The following DIAPH2 variants were observed in gnomAD, a reference collection of about 807,000 sequenced individuals.
DIAPH2 encodes the protein protein diaphanous homolog 2.
Under a neutral mutation model 92.7 loss-of-function variants are expected in DIAPH2, and 35 were observed. The ratio of observed to expected loss-of-function variants is 0.38; its 90% confidence interval spans 0.29 to 0.50. The LOEUF (loss-of-function observed/expected upper bound fraction) is 0.50, where lower values mean the gene tolerates loss of function less well. Ranked by LOEUF, DIAPH2 falls within the 20% of genes least tolerant of loss-of-function variation. The pLI is 0.94. For synonymous variants in DIAPH2, 301 were observed against 280.4 expected, an observed-to-expected ratio of 1.07 and a Z score of -0.73; for missense variants, 701 against 819.5, an observed-to-expected ratio of 0.86 and a Z score of 1.77.
intron 26 of DIAPH2, among the ~76,000 whole-genome samples, chrX:97,439,548 C>T (rs1233097305): frequency 9.5e-6 from 1 of 105,539 alleles, no homozygotes; most frequent in Admixed American, 1.0e-4. Flanking sequence ...CCAGCCTGAG[C>T]GACAGGGCGA....
intron 21 of DIAPH2, among the ~76,000 whole-genome samples, chrX:97,121,986 C>T (rs2067061745): frequency 9.0e-6 from 1 of 111,477 alleles, no homozygotes; most frequent in Admixed American, 9.5e-5. Flanking sequence ...ATAATTTGTC[C>T]AAGATTCAAA....
intron 25 of DIAPH2, among the ~76,000 whole-genome samples, chrX:97,413,902 G>A (rs2147762328): frequency 9.0e-6 from 1 of 111,215 alleles, no homozygotes; most frequent in East Asian, 2.8e-4. Flanking sequence ...AATAGAAGAG[G>A]ACACAAACAA....
intron 26 of DIAPH2, among the ~76,000 whole-genome samples, chrX:97,529,265 G>A (rs1454123951): frequency 9.0e-6 from 1 of 111,445 alleles, no homozygotes; most frequent in East Asian, 2.8e-4. Flanking sequence ...AGTTATATAG[G>A]TGTGATAGAT....
At chrX:96,760,557 A>T (rs1179009491) in intron 4 of DIAPH2, among the ~76,000 whole-genome samples, 1 of 111,214 alleles carries the variant, frequency 9.0e-6, no homozygotes, top group Non-Finnish European at 1.9e-5. Flanking sequence ...TAACACCTGC[A>T]TTAATCATTT....
At chrX:96,961,500 G>GTATTATATT (rs1248128818) in intron 16 of DIAPH2, among the ~76,000 whole-genome samples, 3 of 83,585 alleles carry the variant, frequency 3.6e-5, no homozygotes. Flanking sequence ...TTGCTCTTTT[G>GTATTATATT]TATTATATTT....
intron 25 of DIAPH2, among the ~76,000 whole-genome samples, chrX:97,417,818 C>T (rs1479044489): frequency 9.0e-6 from 1 of 110,954 alleles, no homozygotes; most frequent in Non-Finnish European, 1.9e-5. Context: ...ATGCCTGGAC[C>T]CTGTATACAA....
rs140621976 is a variant in DIAPH2 at position 97,084,327 on chromosome X, C to A, written c.2247+9066C>A. On this transcript the variant is annotated intron_variant, in intron 19 of 26. Coordinates refer to ENST00000324765, the MANE Select transcript of DIAPH2 (RefSeq NM_006729.5). ...ATTAAATAACACATGAAAAAGTCCC[C>A]TAGCACATTGCTGGTTACATGATAG... 3.5e-3 allele frequency among the ~76,000 whole-genome samples: 392 copies of A among 111,631 alleles called. 3 individuals are homozygous for A. The highest frequency in any genetic ancestry group is 0.013 in the African/African-American group (385 of 30,752).
At chrX:96,888,594 GAT>G (rs1234483359) in intron 5 of DIAPH2, among the ~76,000 whole-genome samples, 1 of 42,589 alleles carries the variant, frequency 2.3e-5, no homozygotes, top group Admixed American at 3.2e-4. Flanking sequence ...TATATATACA[GAT>G]ATATATATCT....
intron 23 of DIAPH2, among the ~76,000 whole-genome samples, chrX:97,300,830 G>A (rs1364548699): frequency 2.0e-5 from 2 of 98,727 alleles, no homozygotes; most frequent in Non-Finnish European, 4.1e-5. Flanking sequence ...TACTTGGGAG[G>A]CTGAGGCAGG....
chrX:96,972,388 T>C (rs2065933164), intron 17 of DIAPH2, among the ~76,000 whole-genome samples: 1 of 112,275 alleles, frequency 8.9e-6, no homozygotes, highest in East Asian at 2.8e-4. Flanking sequence ...AAATTATACT[T>C]CCTATTTAAA....
intron 4 of DIAPH2, among the ~76,000 whole-genome samples, chrX:96,827,139 A>G (rs888034280): frequency 8.9e-6 from 1 of 112,679 alleles, no homozygotes; most frequent in Non-Finnish European, 1.9e-5. Context: ...AAATATTGGT[A>G]TAAAGCAGGA....
chrX:97,326,271 A>G (rs750492842), intron 23 of DIAPH2, among the ~76,000 whole-genome samples: 13 of 112,382 alleles, frequency 1.2e-4, no homozygotes, highest in African/African-American at 4.2e-4. Flanking sequence ...AAAGATTCAC[A>G]GTGGGTAGCA....
At chrX:97,451,689 T>TA (rs2070360047) in intron 26 of DIAPH2, among the ~76,000 whole-genome samples, 1 of 111,663 alleles carries the variant, frequency 9.0e-6, no homozygotes, top group South Asian at 3.7e-4. Context: ...ATATTGAACT[T>TA]ACAGTTGCAT....
intron 24 of DIAPH2, among the ~76,000 whole-genome samples, chrX:97,377,035 A>G (rs2069507631): frequency 8.9e-6 from 1 of 111,989 alleles, no homozygotes; most frequent in Admixed American, 9.5e-5. Context: ...CTGTCCTCAG[A>G]CACAAGCACA....
At chrX:96,915,280 T>C (rs1456170279) in intron 7 of DIAPH2, among the ~76,000 whole-genome samples, 1 of 111,208 alleles carries the variant, frequency 9.0e-6, no homozygotes, top group East Asian at 2.8e-4. Flanking sequence ...AATTGCGTGG[T>C]CATTGTCTCT....
intron 4 of DIAPH2, among the ~76,000 whole-genome samples, chrX:96,846,899 G>A (rs1360104009): frequency 9.1e-6 from 1 of 110,351 alleles, no homozygotes; most frequent in Non-Finnish European, 1.9e-5. Flanking sequence ...CTATTTTAGT[G>A]TTACAGTCAG....
At chrX:96,850,304 A>G (rs973898732) in intron 4 of DIAPH2, among the ~76,000 whole-genome samples, 4 of 112,248 alleles carry the variant, frequency 3.6e-5, no homozygotes, top group Non-Finnish European at 7.5e-5. Context: ...GATGATAATA[A>G]TAATAGCTAA....
chrX:97,231,509 G>A (rs1244009508), intron 22 of DIAPH2, among the ~76,000 whole-genome samples: 1 of 111,286 alleles, frequency 9.0e-6, no homozygotes. Flanking sequence ...CAAGTTTACA[G>A]CACTGTTAAA....
At chrX:96,732,383 A>AT (rs1339722821) in intron 1 of DIAPH2, among the ~76,000 whole-genome samples, 1 of 111,933 alleles carries the variant, frequency 8.9e-6, no homozygotes, top group East Asian at 2.8e-4. Context: ...CTGCTTAAAG[A>AT]TTTTCCTTTT....
Sources: allele counts gnomAD v4.1 joint callset (sites outside exome capture counted in the v4.1 genomes callset), GRCh38; gene constraint gnomAD v4.1.1; transcripts MANE v1.5; gene names NCBI Gene and HGNC (gene_info 2026-07-23, HGNC 2026-07-21).